USP22: variants seen among roughly 807,000 people sequenced by gnomAD.
The protein encoded by USP22 is ubiquitin specific peptidase 22.
Under a neutral mutation model 68.1 loss-of-function variants are expected in USP22, and 22 were observed. The ratio of observed to expected loss-of-function variants is 0.32; its 90% CI spans 0.23 to 0.46. The LOEUF is 0.46. Among genes scored for constraint, USP22 ranks in the 20% least tolerant of loss-of-function variants. The pLI is 1.00. For missense variants in USP22, 433 were observed against 695.8 expected (o/e 0.62, Z 4.25); for synonymous variants, 279 against 274.2 (o/e 1.02, Z -0.17).
intron 2 of USP22, among the ~76,000 whole-genome samples, chr17:21,027,755 G>C (rs899437733): frequency 6.6e-6 from 1 of 152,170 alleles, no homozygotes; most frequent in African/African-American, 2.4e-5. Flanking sequence ...GATCACATGA[G>C]GTCAGGAGTT....
At position 21,021,203 on chromosome 17, in the gene USP22, T is replaced by C; in HGVS notation, c.328A>G (p.Ile110Val). The change falls in exon 3 of 13, where the codon ATC (isoleucine) becomes GTC (valine). Residue 110 changes from isoleucine to valine, a missense_variant. Ile to Val is a conservative substitution (Grantham distance 29). Coordinates refer to ENST00000261497, the MANE Select transcript of USP22 (RefSeq NM_015276.2). ...NLAIDLMYGG[I>V]YCFLCQDYIY... is the part of the protein sequence containing the mutation. ...TAGTCCTGGCACAGAAAACAGTAGA[T>C]GCCTCCGTACATCAGATCAATGGCT... 5 of 1,613,558 alleles carry C rather than the reference T, an allele frequency of 3.1e-6. No individual in the cohort carries two copies. The highest frequency in any genetic ancestry group is 3.4e-6 in the Non-Finnish European group (4 of 1,179,494).
At chr17:21,039,097 G>A (rs1399464836) in intron 1 of USP22, among the ~76,000 whole-genome samples, 2 of 151,904 alleles carry the variant, frequency 1.3e-5, no homozygotes, top group East Asian at 2.0e-4. Flanking sequence ...GATTACAGGC[G>A]CGTGCCACCA....
At position 21,002,112 on chromosome 17, in the gene USP22, C is replaced by T. The variant is rs140302465; in HGVS notation, c.*919G>A. On this transcript the variant is annotated 3_prime_UTR_variant, in exon 13 of 13. Transcript: ENST00000261497. The stretch of plus-strand genomic sequence containing the variant: ...GACACCGGCAGACACTGCATTTACT[C>T]CAGACTGAGATGACAGACACACCGT... The T allele has an allele frequency of 6.6e-6, 1 of 152,390 alleles. No homozygotes were observed. The highest frequency in any genetic ancestry group is 1.5e-5 in the Non-Finnish European group (1 of 68,096). The allele number at this position is 152,390 out of a possible 1,614,324, so 9.4% of individuals were successfully genotyped here.
chr17:21,027,944 G>C (rs942329480), intron 2 of USP22, among the ~76,000 whole-genome samples: 2 of 152,132 alleles, frequency 1.3e-5, no homozygotes, highest in South Asian at 4.1e-4. Flanking sequence ...CTCCACCCTG[G>C]GTGACAGCGC....
chr17:21,038,439 G>T (rs929480836), intron 1 of USP22, among the ~76,000 whole-genome samples: 14 of 152,212 alleles, frequency 9.2e-5, no homozygotes, highest in African/African-American at 3.4e-4. Flanking sequence ...GGAGGCCAAG[G>T]AGAGAGGATC....
rs1485471840 is a variant in USP22, at chr17:21,019,161, C to T, written c.443G>A (p.Trp148Ter). 1 of 1,614,122 alleles carries T rather than the reference C, an allele frequency of 6.2e-7. No individual in the cohort carries two copies. The highest frequency in any genetic ancestry group is 8.5e-7 in the Non-Finnish European group (1 of 1,179,988). ...TTCAAGCTCCCGTTTGGTTGGTTCC[C>T]AAGTTGAAAACTTCTCTCCAACGCC... is the stretch of plus-strand genomic sequence containing the variant. ...MQGVGEKFST[W>*]EPTKRELELL... Residue 148 changes from tryptophan to a stop codon, truncating the protein, a stop_gained, in exon 4 of 13, where the codon TGG (tryptophan) becomes TAG (stop). Transcript: ENST00000261497. LOFTEE classifies it high-confidence loss of function.
intron 6 of USP22, among the ~76,000 whole-genome samples, chr17:21,014,890 G>A (rs868107842): frequency 2.0e-5 from 3 of 152,242 alleles, no homozygotes; most frequent in Non-Finnish European, 2.9e-5. Context: ...CTGAACCAGC[G>A]GCATCAACAT....
chr17:21,015,925 T>G (rs200825667), intron 5 of USP22, 26 bp from the exon 6 acceptor site: 2 of 1,611,306 alleles, frequency 1.2e-6, no homozygotes, highest in South Asian at 1.1e-5. Context: ...GAAGGAAACC[T>G]TGTCAGGAAT....
intron 10 of USP22, 26 bp from the exon 11 acceptor site, chr17:21,005,016 G>A (rs775447517): frequency 6.2e-7 from 1 of 1,612,938 alleles, no homozygotes; most frequent in African/African-American, 1.3e-5. Context: ...GCAGGATTCA[G>A]CATCATTAAA....
rs1011223662 is a variant in USP22 at position 21,016,026 on chromosome 17, A to C, written c.691-127T>G. 5 of 1,241,810 alleles carry C rather than the reference A, an allele frequency of 4.0e-6. No homozygotes were observed. In the African/African-American group the frequency reaches 6.2e-5, roughly 15 times the overall value. 76.9% of individuals were successfully genotyped at this position (1,241,810 alleles called of 1,614,324 possible). ...TGGCTCATTTGACACAAATGTTTGGATTTTACTTTTCTACTTTTTGCAAAG... is the reference window on the plus strand; with the variant it reads ...TGGCTCATTTGACACAAATGTTTGGCTTTTACTTTTCTACTTTTTGCAAAG... On this transcript the variant is annotated intron_variant, in intron 5 of 12. Transcript: ENST00000261497.
rs571716977 is a variant in USP22, at chr17:21,011,032, T to C, written c.1103+119A>G. On this transcript the variant is annotated intron_variant, in intron 8 of 12. Coordinates refer to ENST00000261497, the MANE Select transcript of USP22 (RefSeq NM_015276.2). ...AGAGACTGCAGCCAATCCAGGCTCA[T>C]GCTGCACCTTTGCCCAGGCTCTGTC... The C allele has an allele frequency of 7.6e-4, 1,029 of 1,353,894 alleles. 2 individuals are homozygous for C. Among genetic ancestry groups the C allele is most frequent in the Non-Finnish European group, 9.4e-4 (956 of 1,022,388 alleles). The allele number at this position is 1,353,894 out of a possible 1,614,324, so 83.9% of individuals were successfully genotyped here. A position where few individuals can be genotyped will look rare whatever the true frequency, so the allele number is the denominator to read the frequency against.
chr17:21,021,362 G>A, intron 2 of USP22, 136 bp from the exon 3 acceptor site: 1 of 643,620 alleles, frequency 1.6e-6, no homozygotes, highest in Non-Finnish European at 2.8e-6. Context: ...AAGCAGGGAA[G>A]CCAGTCCAGC....
intron 7 of USP22, chr17:21,011,685 A>T: frequency 8.4e-6 from 2 of 237,220 alleles, no homozygotes; most frequent in Non-Finnish European, 8.4e-6. Context: ...GACCCTAGGC[A>T]ACACTGGAGA....
At position 21,000,523 on chromosome 17, in the gene USP22, C is replaced by T. The variant is rs1421572408; in HGVS notation, c.*2508G>A. The stretch of plus-strand genomic sequence containing the variant: ...TCTCTCTTCCCAGTTCTAATGTTCT[C>T]AGAACAGCAGCCACCCCTGAATGCA... On this transcript the variant is annotated 3_prime_UTR_variant, in exon 13 of 13. Transcript: ENST00000261497. 1 of 152,242 alleles carries T rather than the reference C, an allele frequency of 6.6e-6. No homozygotes were observed. Among genetic ancestry groups the T allele is most frequent in the Non-Finnish European group, 1.5e-5 (1 of 68,066 alleles). 9.4% of individuals were successfully genotyped at this position (152,242 alleles called of 1,614,324 possible).
rs1913497009 is a variant in USP22 at position 20,999,807 on chromosome 17, A to G, written c.*3224T>C. On this transcript the variant is annotated 3_prime_UTR_variant, in exon 13 of 13. Transcript: ENST00000261497. Reference sequence around the variant, plus strand: ...CAAAACAATCACTTAAATTGTCAAAAGAACAGCAATTTTACACAATGAAGA... The same window carrying G: ...CAAAACAATCACTTAAATTGTCAAAGGAACAGCAATTTTACACAATGAAGA... 1 of 152,244 alleles carries G rather than the reference A, an allele frequency of 6.6e-6. No homozygotes were observed. 9.4% of individuals were successfully genotyped at this position (152,244 alleles called of 1,614,324 possible).
chr17:21,042,995 C>T lies in USP22; in HGVS notation c.-160G>A, dbSNP rs542785418. 2 of 358,708 alleles carry T rather than the reference C, an allele frequency of 5.6e-6. No individual in the cohort carries two copies. The highest frequency in any genetic ancestry group is 9.5e-6 in the Non-Finnish European group (2 of 210,134). The allele number at this position is 358,708 out of a possible 1,614,324, so 22.2% of individuals were successfully genotyped here. ...GACAAAGATGGGGCTGCGCGATCGC[C>T]GAGGGGAGGCTGCAAGGCAGGCACC... On this transcript the variant is annotated 5_prime_UTR_variant, in exon 1 of 13. Coordinates refer to ENST00000261497, the MANE Select transcript of USP22 (RefSeq NM_015276.2).
chr17:21,041,574 G>A (rs927113039), intron 1 of USP22, among the ~76,000 whole-genome samples: 43 of 152,168 alleles, frequency 2.8e-4, no homozygotes, highest in African/African-American at 9.4e-4. Flanking sequence ...CTCCAGCCTG[G>A]GGTACAAAGC....
chr17:21,013,772 G>A (rs552976940), intron 6 of USP22, among the ~76,000 whole-genome samples: 3 of 152,328 alleles, frequency 2.0e-5, no homozygotes, highest in African/African-American at 4.8e-5. Context: ...ACAGGAAGGC[G>A]CAAAGAATGA....
intron 11 of USP22, 114 bp downstream of exon 11, chr17:21,004,814 C>T (rs1019559835): frequency 2.1e-5 from 24 of 1,150,452 alleles, no homozygotes; most frequent in Admixed American, 9.1e-5. Flanking sequence ...GGCAGCCAAG[C>T]GGGAAGCAGG....
Sources: allele counts gnomAD v4.1 joint callset (sites outside exome capture counted in the v4.1 genomes callset), GRCh38; gene constraint gnomAD v4.1.1; transcripts MANE v1.5; gene names NCBI Gene and HGNC (gene_info 2026-07-23, HGNC 2026-07-21).